Variants in NAALADL2 observed in about 807,000 individuals in gnomAD.
NAALADL2 encodes the protein inactive N-acetylated-alpha-linked acidic dipeptidase-like protein 2.
NAALADL2 carries 76 observed loss-of-function variants against 87.2 expected under a neutral mutation model. The ratio of observed to expected loss-of-function variants is 0.87; its 90% CI spans 0.72 to 1.05. The LOEUF is 1.05. Ranked by LOEUF, NAALADL2 falls within the 50% of genes least tolerant of loss-of-function variation. The pLI, the probability that NAALADL2 is intolerant of heterozygous loss-of-function variation, is 0.00. For missense variants in NAALADL2, 1,089 were observed against 945.8 expected (o/e 1.15, Z -1.99); for synonymous variants, 354 against 331.0 (o/e 1.07, Z -0.75).
intron 4 of NAALADL2, among the ~76,000 whole-genome samples, chr3:175,307,157 C>T (rs1221132904): frequency 1.3e-5 from 2 of 151,946 alleles, no homozygotes; most frequent in Non-Finnish European, 2.9e-5. Context: ...ATCACAGCCC[C>T]TCCCAGGGTG....
chr3:175,491,139 CT>C (rs921873470), intron 9 of NAALADL2, among the ~76,000 whole-genome samples: 84 of 140,796 alleles, frequency 6.0e-4, no homozygotes, highest in South Asian at 1.1e-3. Context: ...ACATTTCTTT[CT>C]TTTTTTTTTT....
chr3:175,400,727 C>T (rs1770453284), intron 5 of NAALADL2, among the ~76,000 whole-genome samples: 1 of 152,018 alleles, frequency 6.6e-6, no homozygotes. Context: ...TACAATCAAC[C>T]TTATGGTCTG....
chr3:175,002,621 A>G (rs1374566119), intron 1 of NAALADL2, among the ~76,000 whole-genome samples: 2 of 152,220 alleles, frequency 1.3e-5, no homozygotes, highest in Non-Finnish European at 2.9e-5. Flanking sequence ...AAATTTAAGA[A>G]AAGACACAGC....
intron 4 of NAALADL2, among the ~76,000 whole-genome samples, chr3:175,268,699 TTTTA>T (rs1337582502): frequency 6.6e-6 from 1 of 152,102 alleles, no homozygotes; most frequent in African/African-American, 2.4e-5. Flanking sequence ...ATTTTTAAAA[TTTTA>T]TTTATTGTTT....
rs535607676 is a variant in NAALADL2 at position 174,808,396 on chromosome 3, G to A, written c.-9+70650G>A. ...TCAAATGTAGCAAACAGGAAAAGAA[G>A]GCAAAACTGTTGACTACATTTTCTC... On this transcript the variant is annotated intron_variant, in intron 3 of 3. Transcript: ENST00000434257. Among the ~76,000 whole-genome samples, 13 of 152,100 alleles carry A rather than the reference G, an allele frequency of 8.5e-5. No individual in the cohort carries two copies. The South Asian group carries it at 2.5e-3, about 29-fold the overall frequency.
At chr3:174,765,744 T>C (rs13086115) in intron 3 of NAALADL2, among the ~76,000 whole-genome samples, 46,029 of 152,130 alleles carry the variant, frequency 0.3, 7,032 homozygotes, top group Middle Eastern at 0.35. Context: ...TGCCATTTAT[T>C]GACAAAATGA....
intron 9 of NAALADL2, among the ~76,000 whole-genome samples, chr3:175,483,197 A>G (rs1344323353): frequency 6.6e-6 from 1 of 151,906 alleles, no homozygotes; most frequent in African/African-American, 2.4e-5. Context: ...TCTATTAAAG[A>G]TATATACAGG....
At chr3:175,263,063 C>T (rs941319204) in intron 4 of NAALADL2, among the ~76,000 whole-genome samples, 7 of 150,980 alleles carry the variant, frequency 4.6e-5, no homozygotes, top group Non-Finnish European at 1.0e-4. Flanking sequence ...CAGAGCTGCT[C>T]CATTTGTCAT....
intron 6 of NAALADL2, among the ~76,000 whole-genome samples, chr3:175,451,975 T>G (rs1721643403): frequency 6.6e-6 from 1 of 152,176 alleles, no homozygotes. Flanking sequence ...ATTACTAGCA[T>G]TTCTTGAGTA....
Position 175,206,264 on chromosome 3 carries a change from T to TATA in NAALADL2, c.546-27667_546-27666insATA, listed in dbSNP as rs750185480. On this transcript the variant is annotated intron_variant, in intron 2 of 13. Transcript: ENST00000454872. ...AAAAACTATATATATATATATATAT[T>TATA]TTTTTTTTTCACTGTGTGTGTGTAT... is the stretch of plus-strand genomic sequence containing the variant. Among the ~76,000 whole-genome samples, 109 of 69,640 alleles carry TATA rather than the reference T, an allele frequency of 1.6e-3. 3 individuals are homozygous for TATA. Among genetic ancestry groups the TATA allele is most frequent in the Middle Eastern group, 0.011 (1 of 94 alleles). The allele number at this position is 69,640 out of a possible 152,430, so 45.7% of individuals were successfully genotyped here. A position where few individuals can be genotyped will look rare whatever the true frequency, so the allele number is the denominator to read the frequency against.
rs760690405 is a variant in NAALADL2 at position 174,930,614 on chromosome 3, C to CTTTTTTTT, written c.43+71182_43+71189dup. Among the ~76,000 whole-genome samples, 319 of 66,814 alleles carry CTTTTTTTT rather than the reference C, an allele frequency of 4.8e-3. 40 individuals are homozygous for CTTTTTTTT. Among genetic ancestry groups the CTTTTTTTT allele is most frequent in the East Asian group, 0.011 (19 of 1,716 alleles). The allele number at this position is 66,814 out of a possible 152,430, so 43.8% of individuals were successfully genotyped here. ...TTGCAAGTCCTTTAAATAAGATGAACTTTTTTTTTTTTTTTTTTTTTTTTT... is the reference window on the plus strand; with the variant it reads ...TTGCAAGTCCTTTAAATAAGATGAACTTTTTTTTTTTTTTTTTTTTTTTTTTTTTTTTT... On this transcript the variant is annotated intron_variant, in intron 1 of 13. Transcript: ENST00000454872.
At chr3:175,244,973 T>C (rs1747698873) in intron 3 of NAALADL2, among the ~76,000 whole-genome samples, 1 of 152,182 alleles carries the variant, frequency 6.6e-6, no homozygotes, top group African/African-American at 2.4e-5. Flanking sequence ...TGTAACTCAT[T>C]TCCTCCCTAT....
Position 174,485,558 on chromosome 3 carries a change from C to T in NAALADL2, c.-184+44526C>T, listed in dbSNP as rs542524434. ...ATGAGAATATGAGATATTTGGTTTTCTGTTCCTGCATTAGTTTGTTAAAGA... is the reference window on the plus strand; with the variant it reads ...ATGAGAATATGAGATATTTGGTTTTTTGTTCCTGCATTAGTTTGTTAAAGA... On this transcript the variant is annotated intron_variant, in intron 1 of 3. Transcript: ENST00000434257. Among the ~76,000 whole-genome samples, 3 of 151,412 alleles carry T rather than the reference C, an allele frequency of 2.0e-5. No individual in the cohort carries two copies. The South Asian group carries it at 6.2e-4, about 32-fold the overall frequency.
Position 174,609,529 on chromosome 3 carries a change from C to T in NAALADL2, c.-115+58892C>T, listed in dbSNP as rs1719558111. Among the ~76,000 whole-genome samples the T allele has an allele frequency of 2.0e-5, 3 of 152,176 alleles. No individual in the cohort carries two copies. The South Asian group carries it at 6.2e-4, about 32-fold the overall frequency. On this transcript the variant is annotated intron_variant, in intron 2 of 3. Transcript: ENST00000434257. ...TTCTTATACACCAATAACAGACAAA[C>T]AGAGAGCCAAATCGTGAGTGAACTC...
At chr3:175,235,500 G>A (rs1412938011) in intron 3 of NAALADL2, 1 of 152,094 alleles carries the variant, frequency 6.6e-6, no homozygotes, top group East Asian at 1.9e-4. Context: ...AGGTAATAAT[G>A]GTAACACACC....
chr3:175,432,279 C>A (rs1421152198), intron 5 of NAALADL2, among the ~76,000 whole-genome samples: 2 of 151,942 alleles, frequency 1.3e-5, no homozygotes, highest in Non-Finnish European at 2.9e-5. Context: ...GCACCTGGTA[C>A]AAATGGGATC....
At chr3:175,254,471 G>A (rs1749581774) in intron 3 of NAALADL2, among the ~76,000 whole-genome samples, 1 of 152,148 alleles carries the variant, frequency 6.6e-6, no homozygotes, top group African/African-American at 2.4e-5. Context: ...TTGCTTTACT[G>A]TGGTAGTATG....
At position 175,755,462 on chromosome 3, in the gene NAALADL2, AATGTTT is replaced by A. The variant is rs1747146646; in HGVS notation, c.2189+52_2189+57del. The A allele has an allele frequency of 2.1e-6, 3 of 1,407,784 alleles. 1 individual carries two copies. The highest frequency in any genetic ancestry group is 2.8e-5 in the South Asian group (2 of 72,570). The allele number at this position is 1,407,784 out of a possible 1,614,324, so 87.2% of individuals were successfully genotyped here. A position where few individuals can be genotyped will look rare whatever the true frequency, so the allele number is the denominator to read the frequency against. On this transcript the variant is annotated intron_variant, in intron 13 of 13. Transcript: ENST00000454872. ...AAATTATACTTTTTGCCCTACATTAAATGTTTATGTTTAACTTTCAGAATACATACC... is the reference window on the plus strand; with the variant it reads ...AAATTATACTTTTTGCCCTACATTAAATGTTTAACTTTCAGAATACATACC...
intron 11 of NAALADL2, among the ~76,000 whole-genome samples, chr3:175,654,363 G>A (rs989003424): frequency 6.6e-6 from 1 of 152,058 alleles, no homozygotes; most frequent in Non-Finnish European, 1.5e-5. Flanking sequence ...CTGCCTCTTG[G>A]TTGGCAGAAG....
Sources: gnomAD v4.1 joint callset for allele counts (sites outside exome capture counted in the v4.1 genomes callset) on GRCh38, gnomAD v4.1.1 for gene constraint, MANE v1.5 for transcripts, NCBI Gene and HGNC (gene_info 2026-07-23, HGNC 2026-07-21) for gene names.